Variants in HERC4 observed in about 807,000 individuals in gnomAD.
HERC4 encodes the protein probable E3 ubiquitin-protein ligase HERC4.
Under a neutral mutation model 124.3 loss-of-function variants are expected in HERC4, and 28 were observed. That is an observed-to-expected ratio of 0.23 (90% CI 0.17 to 0.31). HERC4 has a LOEUF of 0.31. HERC4 is among the 10% of genes least tolerant of loss of function. HERC4 has a pLI of 1.00. For missense variants in HERC4, 713 were observed against 1,229.3 expected (o/e 0.58, Z 6.28); for synonymous variants, 407 against 421.5 (o/e 0.97, Z 0.42).
In HERC4 at chr10:68,014,818, A is replaced by G. The variant is rs538098411; in HGVS notation, c.909-632T>C. 2.6e-5 allele frequency among the ~76,000 whole-genome samples: 4 copies of G among 152,274 alleles called. No homozygotes were observed. The South Asian group carries it at 8.3e-4, about 32-fold the overall frequency. On this transcript the variant is annotated intron_variant, in intron 8 of 24. Coordinates refer to ENST00000373700, the MANE Select transcript of HERC4 (RefSeq NM_015601.4). ...AGTAAACCTATCCAACTCCTCAGAA[A>G]AAGTCTCCTTAGGCAAGCAGGGAAG...
Position 67,992,201 on chromosome 10 carries a change from G to C in HERC4, c.1269C>G (p.Ala423=), listed in dbSNP as rs1423370167. Residue 423 remains alanine (A), a splice_region_variant and synonymous_variant, in exon 11 of 25, where the codon GCC becomes GCG. Transcript: ENST00000373700. ...YPSGRFPVEI[A]NEIDGTFSSS... is the part of the protein sequence containing the mutation. ...CTGGCCCAAAATGCTTTTCTTACTT[G>C]GCTATCTCCACAGGAAACCTTCCAG... 7.4e-6 allele frequency: 12 copies of C among 1,612,788 alleles called. No individual in the cohort carries two copies. In the South Asian group the frequency reaches 1.2e-4, roughly 16 times the overall value.
intron 9 of HERC4, among the ~76,000 whole-genome samples, chr10:67,998,335 G>T (rs1418813208): frequency 6.6e-6 from 1 of 151,652 alleles, no homozygotes; most frequent in Non-Finnish European, 1.5e-5. Context: ...ATCACCTGAG[G>T]TCAGGAGTTT....
chr10:68,069,165 A>G (rs2041447422), intron 3 of HERC4: 1 of 967,718 alleles, frequency 1.0e-6, no homozygotes, highest in Non-Finnish European at 1.2e-6. Context: ...CTTGTAAAGA[A>G]AAGTATACTT....
At chr10:67,984,219 T>C (rs141770994) in intron 15 of HERC4, among the ~76,000 whole-genome samples, 2,483 of 151,416 alleles carry the variant, frequency 0.016, 74 homozygotes, top group African/African-American at 0.057. Flanking sequence ...AGAGAATTGC[T>C]TGAACCTAAG....
At chr10:67,977,485 T>G (rs1002473773) in intron 15 of HERC4, among the ~76,000 whole-genome samples, 1 of 152,198 alleles carries the variant, frequency 6.6e-6, no homozygotes, top group Non-Finnish European at 1.5e-5. Flanking sequence ...GCACATTCCC[T>G]ACCATGGCAG....
chr10:67,938,100 T>C (rs1039420863), intron 21 of HERC4, among the ~76,000 whole-genome samples: 6 of 151,862 alleles, frequency 4.0e-5, no homozygotes, highest in Non-Finnish European at 5.9e-5. Flanking sequence ...AAAGAGAATG[T>C]TGTGTGTGTG....
At chr10:68,066,374 G>A (rs563512543) in intron 3 of HERC4, among the ~76,000 whole-genome samples, 2 of 152,192 alleles carry the variant, frequency 1.3e-5, no homozygotes, top group Non-Finnish European at 2.9e-5. Flanking sequence ...TACCCAAATT[G>A]TAAAACCAAA....
chr10:68,073,223 A>G (rs2041652808), intron 2 of HERC4, 37 bp from the exon 3 acceptor site: 3 of 718,042 alleles, frequency 4.2e-6, no homozygotes, highest in Non-Finnish European at 4.6e-6. Flanking sequence ...GACTTCAAAG[A>G]AAAAAGGATG....
chr10:67,942,224 G>A (rs2032973812), intron 19 of HERC4, among the ~76,000 whole-genome samples: 1 of 152,094 alleles, frequency 6.6e-6, no homozygotes, highest in Non-Finnish European at 1.5e-5. Context: ...TTTCAAAGAA[G>A]GTAAATATAG....
chr10:67,946,396 C>CACA (rs920956046), intron 19 of HERC4, among the ~76,000 whole-genome samples: 1 of 142,166 alleles, frequency 7.0e-6, no homozygotes, highest in Non-Finnish European at 1.5e-5. Context: ...CACACACACA[C>CACA]AAGACCCAAT....
rs2030353244 is a variant in HERC4 at position 67,922,758 on chromosome 10, AGTTT to A, written c.*169_*172del. ...CATGGTTCTGTACAATAATATTAAC[AGTTT>A]GTTCATTTTCCTTTAATATTTTTTG... On this transcript the variant is annotated 3_prime_UTR_variant, in exon 25 of 25. Coordinates refer to ENST00000373700, the MANE Select transcript of HERC4 (RefSeq NM_015601.4). 2.0e-6 allele frequency: 1 copy of A among 499,678 alleles called. No individual in the cohort carries two copies. Among genetic ancestry groups the A allele is most frequent in the Non-Finnish European group, 3.6e-6 (1 of 278,924 alleles). The allele number at this position is 499,678 out of a possible 1,614,324, so 31.0% of individuals were successfully genotyped here.
At chr10:68,047,903 C>T (rs2040095341) in intron 3 of HERC4, among the ~76,000 whole-genome samples, 1 of 152,008 alleles carries the variant, frequency 6.6e-6, no homozygotes, top group African/African-American at 2.4e-5. Context: ...TCCACATAAA[C>T]ACCTGCACAT....
chr10:68,025,783 T>C (rs1369632307), intron 7 of HERC4, 107 bp from the exon 8 acceptor site: 3 of 1,102,954 alleles, frequency 2.7e-6, no homozygotes, highest in African/African-American at 3.2e-5. Context: ...TTTTTTCTCT[T>C]CTAAGAACTG....
intron 23 of HERC4, among the ~76,000 whole-genome samples, chr10:67,927,428 ATATTTT>A (rs2031231303): frequency 3.9e-5 from 1 of 25,632 alleles, no homozygotes; most frequent in African/African-American, 6.6e-5. Context: ...ATATATATAT[ATATTTT>A]TTTTTTTTTT....
At chr10:68,044,242 C>A (rs763250159) in intron 4 of HERC4, among the ~76,000 whole-genome samples, 162 bp downstream of exon 4, 3 of 151,928 alleles carry the variant, frequency 2.0e-5, no homozygotes, top group Non-Finnish European at 2.9e-5. Flanking sequence ...ATCAATAGCT[C>A]AATCAACATC....
Position 68,034,189 on chromosome 10 carries a change from G to A in HERC4, c.464-3C>T. The A allele has an allele frequency of 6.3e-7, 1 of 1,585,690 alleles. No individual in the cohort carries two copies. Among genetic ancestry groups the A allele is most frequent in the Non-Finnish European group, 8.6e-7 (1 of 1,161,022 alleles). ...TCCCCAACAGAAGACTTCACTTGCT[G>A]TAAAACAGTAATGGAAAAATTAACC... On this transcript the variant is annotated splice_region_variant and splice_polypyrimidine_tract_variant and intron_variant, in intron 5 of 24. Coordinates refer to ENST00000373700, the MANE Select transcript of HERC4 (RefSeq NM_015601.4).
At chr10:67,998,524 G>A (rs1212544106) in intron 9 of HERC4, among the ~76,000 whole-genome samples, 3 of 134,188 alleles carry the variant, frequency 2.2e-5, no homozygotes, top group Non-Finnish European at 4.6e-5. Context: ...TACAGCCTGT[G>A]CAAAAGAGTG....
intron 23 of HERC4, among the ~76,000 whole-genome samples, chr10:67,931,485 C>T (rs1022874562): frequency 1.3e-5 from 2 of 152,046 alleles, no homozygotes; most frequent in Non-Finnish European, 1.5e-5. Context: ...AGTGCAGTGG[C>T]GCGATCTTGG....
At chr10:67,985,861 GAA>G (rs2036232925) in intron 15 of HERC4, among the ~76,000 whole-genome samples, 1 of 152,170 alleles carries the variant, frequency 6.6e-6, no homozygotes, top group Non-Finnish European at 1.5e-5. Flanking sequence ...CATAAATCCT[GAA>G]ATGAATAGGG....
Sources: allele counts gnomAD v4.1 joint callset (sites outside exome capture counted in the v4.1 genomes callset), GRCh38; gene constraint gnomAD v4.1.1; transcripts MANE v1.5; gene names NCBI Gene and HGNC (gene_info 2026-07-23, HGNC 2026-07-21).